The following PCDHGB2 variants were observed in gnomAD, a reference collection of about 807,000 sequenced individuals.
PCDHGB2 encodes protocadherin gamma subfamily B, 2, also known as protocadherin gamma-B2.
In PCDHGB2, 55 loss-of-function variants were observed where a neutral mutation model predicts 59.3. The ratio of observed to expected loss-of-function variants is 0.93; its 90% CI spans 0.75 to 1.16. The LOEUF is 1.16. Among genes scored for constraint, PCDHGB2 ranks in the 50% most tolerant of loss-of-function variants. The pLI, the probability that PCDHGB2 is intolerant of heterozygous loss-of-function variation, is 0.00. For synonymous variants in PCDHGB2, 516 were observed against 512.0 expected, an observed-to-expected ratio of 1.01 and a Z score of -0.11; for missense variants, 1,228 against 1,198.5, an observed-to-expected ratio of 1.02 and a Z score of -0.36.
intron 1 of PCDHGB2, among the ~76,000 whole-genome samples, chr5:141,454,743 G>A (rs1050167077): frequency 6.7e-6 from 1 of 149,684 alleles, no homozygotes; most frequent in African/African-American, 2.5e-5. Context: ...ATGAAAAGAG[G>A]CCAAACTAAT....
At chr5:141,406,109 G>C (rs2094766123) in intron 1 of PCDHGB2, among the ~76,000 whole-genome samples, 1 of 144,746 alleles carries the variant, frequency 6.9e-6, no homozygotes, top group South Asian at 2.2e-4. Flanking sequence ...GTGTCATTCT[G>C]TTGTCCAGGG....
chr5:141,430,234 A>G (rs2097268213), intron 1 of PCDHGB2, among the ~76,000 whole-genome samples: 1 of 130,034 alleles, frequency 7.7e-6, no homozygotes, highest in South Asian at 2.4e-4. Flanking sequence ...TGTCAAAAAG[A>G]GAAACTCCTA....
In PCDHGB2 at chr5:141,392,992, C is replaced by A. The variant is rs1233401263; in HGVS notation, c.2421+30436C>A. ...CTGGGGCTGGACCCCCGGAAGCTGG[C>A]GAAGCACGGAGTCCGTATCGTCTCC... is the stretch of plus-strand genomic sequence containing the variant. On this transcript the variant is annotated intron_variant, in intron 1 of 3. Transcript: ENST00000522605. 5 of 1,613,818 alleles carry A rather than the reference C, an allele frequency of 3.1e-6. No homozygotes were observed. The Admixed American group carries it at 5.0e-5, about 16-fold the overall frequency.
Position 141,491,067 on chromosome 5 carries a change from G to A in PCDHGB2, c.2422-3740G>A, listed in dbSNP as rs752758445. On this transcript the variant is annotated intron_variant, in intron 1 of 3. Coordinates refer to ENST00000522605, the MANE Select transcript of PCDHGB2 (RefSeq NM_018923.3). This position sits in a 1 kb window ranked among gnomAD's most constrained non-coding sequence, Gnocchi z 6.9. ...ACAATGCGTGGCTCTCCTACTCACT[G>A]TTGCCACAGTCCACAGCCCCAGGAC... is the stretch of plus-strand genomic sequence containing the variant. 6.2e-7 allele frequency: 1 copy of A among 1,614,200 alleles called. No individual in the cohort carries two copies. Among genetic ancestry groups the A allele is most frequent in the East Asian group, 2.2e-5 (1 of 44,892 alleles).
At chr5:141,399,579 C>CT (rs1419885738) in intron 1 of PCDHGB2, 1 of 1,614,026 alleles carries the variant, frequency 6.2e-7, no homozygotes, top group African/African-American at 1.3e-5. Context: ...GCCAAGTCTC[C>CT]TACTCTATCA....
Position 141,511,508 on chromosome 5 carries a change from C to T in PCDHGB2, c.*335C>T, listed in dbSNP as rs1339517659. 7.8e-6 allele frequency: 3 copies of T among 385,970 alleles called. No individual in the cohort carries two copies. Among genetic ancestry groups the T allele is most frequent in the Non-Finnish European group, 1.5e-5 (3 of 206,164 alleles). The allele number at this position is 385,970 out of a possible 1,614,324, so 23.9% of individuals were successfully genotyped here. Reference sequence around the variant, plus strand: ...TCCTCCATCTTCCAAATCAATCAGGCCCATCCATCCCATGCCTCCCTCCTC... The same window carrying T: ...TCCTCCATCTTCCAAATCAATCAGGTCCATCCATCCCATGCCTCCCTCCTC... On this transcript the variant is annotated 3_prime_UTR_variant, in exon 4 of 4. Coordinates refer to ENST00000522605, the MANE Select transcript of PCDHGB2 (RefSeq NM_018923.3).
In PCDHGB2 at chr5:141,431,553, A is replaced by G; in HGVS notation, c.2422-63254A>G. ...TTGGGCACGCAGCTGCTTGTAGTCA[A>G]CGCTACCGACCCTGACGAAGGAGTC... On this transcript the variant is annotated intron_variant, in intron 1 of 3. Transcript: ENST00000522605. The surrounding 1 kb of genome is among the most constrained non-coding windows in gnomAD (Gnocchi z 4.8). 1.2e-6 allele frequency: 2 copies of G among 1,614,112 alleles called. No individual in the cohort carries two copies. Among genetic ancestry groups the G allele is most frequent in the Non-Finnish European group, 1.7e-6 (2 of 1,180,020 alleles).
Position 141,486,427 on chromosome 5 carries a change from A to G in PCDHGB2, c.2422-8380A>G. On this transcript the variant is annotated intron_variant, in intron 1 of 3. Transcript: ENST00000522605. This position sits in a 1 kb window ranked among gnomAD's most constrained non-coding sequence, Gnocchi z 5.0. ...CTGGACCCTTGGATCGAGAGGCCAA[A>G]TCTAGCTATGACATCATGGTCACTG... The G allele has an allele frequency of 6.2e-7, 1 of 1,614,160 alleles. No homozygotes were observed. Among genetic ancestry groups the G allele is most frequent in the Non-Finnish European group, 8.5e-7 (1 of 1,180,016 alleles).
intron 1 of PCDHGB2, among the ~76,000 whole-genome samples, chr5:141,472,015 T>C (rs2099269555): frequency 6.6e-6 from 1 of 152,164 alleles, no homozygotes; most frequent in African/African-American, 2.4e-5. Flanking sequence ...AGGGGCACTA[T>C]ATTGTATGTA....
intron 1 of PCDHGB2, chr5:141,390,885 TGTGA>T (rs2092262333): frequency 6.5e-6 from 1 of 152,688 alleles, no homozygotes; most frequent in African/African-American, 2.4e-5. Flanking sequence ...TGTGTGTGTG[TGTGA>T]GAGAGATCCT....
At position 141,360,903 on chromosome 5, in the gene PCDHGB2, G is replaced by A. The variant is rs752031820; in HGVS notation, c.768G>A (p.Pro256=). ...GGGTCACCCTGAGGGAGGACGTGCC[G>A]CCGGGCTTCTTTGTGCTTCAAGTGA... The part of the protein sequence containing the change: ...VYRVTLREDV[P]PGFFVLQVTA... Residue 256 remains proline (P), a synonymous_variant, in exon 1 of 4, where the codon CCG becomes CCA. Coordinates refer to ENST00000522605, the MANE Select transcript of PCDHGB2 (RefSeq NM_018923.3). 3 of 1,614,034 alleles carry A rather than the reference G, an allele frequency of 1.9e-6. No homozygotes were observed. In the Admixed American group the frequency reaches 5.0e-5, roughly 27 times the overall value.
Position 141,393,932 on chromosome 5 carries a change from C to A in PCDHGB2, c.2421+31376C>A, listed in dbSNP as rs758815375. 2.7e-5 allele frequency: 44 copies of A among 1,613,798 alleles called. No individual in the cohort carries two copies. Among genetic ancestry groups the A allele is most frequent in the Non-Finnish European group, 3.6e-5 (43 of 1,179,882 alleles). On this transcript the variant is annotated intron_variant, in intron 1 of 3. Coordinates refer to ENST00000522605, the MANE Select transcript of PCDHGB2 (RefSeq NM_018923.3). Reference sequence around the variant, plus strand: ...TAATTGCCTTCTTGAGTGTGCATGACCAAGACTCTGGAAAGAATGGTCAAG... The same window carrying A: ...TAATTGCCTTCTTGAGTGTGCATGAACAAGACTCTGGAAAGAATGGTCAAG...
At chr5:141,393,378 G>C in intron 1 of PCDHGB2, 1 of 1,613,982 alleles carries the variant, frequency 6.2e-7, no homozygotes, top group Non-Finnish European at 8.5e-7. Flanking sequence ...AGACAATGGA[G>C]CCATAAACCC....
Position 141,485,428 on chromosome 5 carries a change from C to T in PCDHGB2, c.2422-9379C>T, listed in dbSNP as rs2099613200. Reference sequence around the variant, plus strand: ...TGGATTTGGACAGCGGAGCCCTGCTCATCAAGAACCCAATCGACCGAGAGG... The same window carrying T: ...TGGATTTGGACAGCGGAGCCCTGCTTATCAAGAACCCAATCGACCGAGAGG... On this transcript the variant is annotated intron_variant, in intron 1 of 3. Transcript: ENST00000522605. The surrounding 1 kb of genome is among the most constrained non-coding windows in gnomAD (Gnocchi z 5.7). The T allele has an allele frequency of 2.5e-6, 4 of 1,614,160 alleles. No homozygotes were observed. The highest frequency in any genetic ancestry group is 3.4e-6 in the Non-Finnish European group (4 of 1,180,022).
chr5:141,421,650 A>G, intron 1 of PCDHGB2: 1 of 1,613,868 alleles, frequency 6.2e-7, no homozygotes, highest in South Asian at 1.1e-5. Flanking sequence ...AAGTGGAGAT[A>G]AAAGTCAGTG....
Position 141,511,656 on chromosome 5 carries a change from C to T in PCDHGB2, c.*483C>T, listed in dbSNP as rs2099883892. On this transcript the variant is annotated 3_prime_UTR_variant, in exon 4 of 4. Transcript: ENST00000522605. ...GGGCATCATGACCTCTTGGCCTCTC[C>T]TTTGATTCTCAATCTTCCCCCAAAG... is the stretch of plus-strand genomic sequence containing the variant. 4.9e-6 allele frequency: 1 copy of T among 206,024 alleles called. No individual in the cohort carries two copies. The highest frequency in any genetic ancestry group is 5.2e-5 in the Admixed American group (1 of 19,114). 12.8% of individuals were successfully genotyped at this position (206,024 alleles called of 1,614,324 possible).
Position 141,360,565 on chromosome 5 carries a change from G to T in PCDHGB2, c.430G>T (p.Glu144Ter), listed in dbSNP as rs180935383. The T allele has an allele frequency of 6.2e-7, 1 of 1,613,894 alleles. No individual in the cohort carries two copies. The change falls in exon 1 of 4, where the codon GAA becomes TAA. Residue 144 changes from glutamate to a stop codon, truncating the protein, a stop_gained. Transcript: ENST00000522605. LOFTEE classifies it high-confidence loss of function. ...KQTKINLKIG[E>*]STKPGTTFPL... ...GACTAAGATTAATTTAAAAATTGGC[G>T]AATCCACTAAGCCAGGTACAACATT...
At chr5:141,380,349 GT>G (rs1776403876) in intron 1 of PCDHGB2, among the ~76,000 whole-genome samples, 1 of 152,006 alleles carries the variant, frequency 6.6e-6, no homozygotes, top group South Asian at 2.1e-4. Flanking sequence ...CTGTTTTGTT[GT>G]TTGTTTTTTA....
Position 141,431,547 on chromosome 5 carries a change from T to C in PCDHGB2, c.2422-63260T>C. On this transcript the variant is annotated intron_variant, in intron 1 of 3. Transcript: ENST00000522605. The surrounding 1 kb of genome is among the most constrained non-coding windows in gnomAD (Gnocchi z 4.8). ...CTGGCCTTGGGCACGCAGCTGCTTG[T>C]AGTCAACGCTACCGACCCTGACGAA... The C allele has an allele frequency of 1.2e-6, 2 of 1,614,096 alleles. No homozygotes were observed. The highest frequency in any genetic ancestry group is 2.2e-5 in the East Asian group (1 of 44,882).
Sources: gnomAD v4.1 joint callset for allele counts (sites outside exome capture counted in the v4.1 genomes callset) on GRCh38, gnomAD v4.1.1 for gene constraint, Gnocchi (gnomAD v3.1) non-coding constraint, MANE v1.5 for transcripts, NCBI Gene and HGNC (gene_info 2026-07-23, HGNC 2026-07-21) for gene names.